RAB38: variants seen among roughly 807,000 people sequenced by gnomAD.
RAB38 encodes the protein RAB38, member RAS oncogene family.
Under a neutral mutation model 18.4 loss-of-function variants are expected in RAB38, and 15 were observed. The observed-to-expected ratio is 0.82, with a 90% CI of 0.55 to 1.26. The LOEUF is 1.26. RAB38 is among the 50% of genes most tolerant of loss of function. The pLI is 0.00. For missense variants in RAB38, 294 were observed against 267.4 expected (o/e 1.10, Z -0.69); for synonymous variants, 101 against 104.4 (o/e 0.97, Z 0.20).
chr11:87,955,875 AC>A, the RAB38 span, among the ~76,000 whole-genome samples: 1 of 3,844 alleles, frequency 2.6e-4, no homozygotes, highest in Non-Finnish European at 1.7e-3. Context: ...AACAGTATGC[AC>A]ACACACACAC....
At chr11:87,925,890 G>T in the RAB38 span, among the ~76,000 whole-genome samples, 1 of 151,766 alleles carries the variant, frequency 6.6e-6, no homozygotes, top group Non-Finnish European at 1.5e-5. Context: ...ATTTTGACAC[G>T]AACTCATCTA....
the RAB38 span, among the ~76,000 whole-genome samples, chr11:87,834,113 G>C: frequency 6.6e-6 from 1 of 152,120 alleles, no homozygotes; most frequent in African/African-American, 2.4e-5. Context: ...TGGTCCATTT[G>C]GACCGTATGG....
the RAB38 span, among the ~76,000 whole-genome samples, chr11:88,078,242 G>A: frequency 1.3e-5 from 2 of 151,954 alleles, no homozygotes; most frequent in East Asian, 1.9e-4. Flanking sequence ...AGCAACTAAC[G>A]GAAAACTGTG....
chr11:87,923,517 A>G, the RAB38 span, among the ~76,000 whole-genome samples: 1 of 151,478 alleles, frequency 6.6e-6, no homozygotes, highest in Non-Finnish European at 1.5e-5. Flanking sequence ...AGGTATTTGT[A>G]TCTTGCTCCA....
chr11:87,878,222 T>TATATATATATATATATACACACACAC, the RAB38 span, among the ~76,000 whole-genome samples: 2 of 116,154 alleles, frequency 1.7e-5, no homozygotes, highest in African/African-American at 9.0e-5. Flanking sequence ...TATATATATA[T>TATATATATATATATATACACACACAC]ACACACATAT....
chr11:87,883,148 C>A, the RAB38 span, among the ~76,000 whole-genome samples: 2 of 151,854 alleles, frequency 1.3e-5, no homozygotes, highest in East Asian at 3.9e-4. Flanking sequence ...GCACATGCCA[C>A]GCAGAGCAAA....
chr11:87,878,444 G>A, the RAB38 span, among the ~76,000 whole-genome samples: 1 of 150,842 alleles, frequency 6.6e-6, no homozygotes, highest in African/African-American at 2.4e-5. Flanking sequence ...AAACAGCAGA[G>A]GGCAGTGCAA....
chr11:87,847,970 T>A, the RAB38 span, among the ~76,000 whole-genome samples: 6 of 152,116 alleles, frequency 3.9e-5, no homozygotes, highest in African/African-American at 9.7e-5. Context: ...TAAATAACTT[T>A]CCAAACATCA....
the RAB38 span, among the ~76,000 whole-genome samples, chr11:87,892,125 C>T: frequency 3.3e-5 from 5 of 151,748 alleles, no homozygotes; most frequent in African/African-American, 9.7e-5. Flanking sequence ...GCTCAAACTG[C>T]CATGTGCAGT....
chr11:88,010,568 G>C, the RAB38 span, among the ~76,000 whole-genome samples: 1 of 152,126 alleles, frequency 6.6e-6, no homozygotes, highest in Non-Finnish European at 1.5e-5. Context: ...AATTAGGTTT[G>C]GTCAACTTGG....
At chr11:87,939,180 A>G in the RAB38 span, among the ~76,000 whole-genome samples, 1 of 152,126 alleles carries the variant, frequency 6.6e-6, no homozygotes, top group African/African-American at 2.4e-5. Flanking sequence ...GTTTTTAATT[A>G]GATATTTAGA....
the RAB38 span, chr11:88,060,073 A>C: frequency 7.9e-5 from 12 of 152,366 alleles, no homozygotes; most frequent in Admixed American, 4.6e-4. Flanking sequence ...TGGCATGTTC[A>C]GCTCCTCTTA....
the RAB38 span, among the ~76,000 whole-genome samples, chr11:87,955,754 G>A: frequency 2.8e-4 from 42 of 152,060 alleles, no homozygotes; most frequent in Admixed American, 2.2e-3. Context: ...CCTGTCATCC[G>A]AAAGTGAATA....
the RAB38 span, among the ~76,000 whole-genome samples, chr11:87,954,559 G>A: frequency 6.6e-6 from 1 of 151,818 alleles, no homozygotes; most frequent in African/African-American, 2.4e-5. Context: ...GCCTTGTTGA[G>A]AAATTTCTGT....
At chr11:87,913,604 G>A in the RAB38 span, among the ~76,000 whole-genome samples, 1 of 152,100 alleles carries the variant, frequency 6.6e-6, no homozygotes, top group Non-Finnish European at 1.5e-5. Flanking sequence ...CTAATGTGGT[G>A]GTATTGGGAG....
chr11:88,063,892 T>C, the RAB38 span, among the ~76,000 whole-genome samples: 2 of 152,240 alleles, frequency 1.3e-5, no homozygotes, highest in Non-Finnish European at 2.9e-5. Context: ...GTCTCAAGTA[T>C]GTCTTTATCA....
chr11:87,945,075 T>C, the RAB38 span, among the ~76,000 whole-genome samples: 1 of 151,134 alleles, frequency 6.6e-6, no homozygotes, highest in African/African-American at 2.5e-5. Flanking sequence ...GACACATGGG[T>C]AAATTTTAAA....
the RAB38 span, among the ~76,000 whole-genome samples, chr11:87,889,869 G>A: frequency 2.0e-5 from 3 of 151,524 alleles, no homozygotes; most frequent in African/African-American, 7.3e-5. Context: ...GTCCTTAAGG[G>A]CAGATACCGT....
At chr11:88,010,257 G>A in the RAB38 span, among the ~76,000 whole-genome samples, 1 of 151,088 alleles carries the variant, frequency 6.6e-6, no homozygotes, top group African/African-American at 2.4e-5. Flanking sequence ...TTCATTCTCA[G>A]TTCAAAATAT....
Sources: gnomAD v4.1 joint callset for allele counts (sites outside exome capture counted in the v4.1 genomes callset) on GRCh38, gnomAD v4.1.1 for gene constraint, MANE v1.5 for transcripts, NCBI Gene and HGNC (gene_info 2026-07-23, HGNC 2026-07-21) for gene names.